CCDC102B: variants seen among roughly 807,000 people sequenced by gnomAD.
The protein encoded by CCDC102B is coiled-coil domain containing 102B.
In CCDC102B, 75 loss-of-function variants were observed where a neutral mutation model predicts 57.4. That is an observed-to-expected ratio of 1.31 (90% CI 1.08 to 1.58). The LOEUF (loss-of-function observed/expected upper bound fraction) is 1.58. CCDC102B is among the 40% of genes most tolerant of loss of function. The pLI is 0.00. For synonymous variants in CCDC102B, 206 were observed against 201.9 expected (o/e 1.02, Z -0.17); for missense variants, 636 against 582.6 (o/e 1.09, Z -0.94).
rs1396338242 is a variant in CCDC102B, at chr18:69,054,500, A to G, written c.*363A>G. 18 of 1,001,358 alleles carry G rather than the reference A, an allele frequency of 1.8e-5. No individual in the cohort carries two copies. The highest frequency in any genetic ancestry group is 2.0e-5 in the Non-Finnish European group (17 of 840,650). 62.0% of individuals were successfully genotyped at this position (1,001,358 alleles called of 1,614,324 possible). On this transcript the variant is annotated 3_prime_UTR_variant, in exon 8 of 8. Coordinates refer to ENST00000360242, the MANE Select transcript of CCDC102B (RefSeq NM_024781.3). Reference sequence around the variant, plus strand: ...ACGCTGGGTCATTAATAAGAAAACCATTGACTTTAAGTATAAAGTACTGGT... The same window carrying G: ...ACGCTGGGTCATTAATAAGAAAACCGTTGACTTTAAGTATAAAGTACTGGT...
At position 68,775,028 on chromosome 18, in the gene CCDC102B, GT is replaced by G. The variant is rs1229319223; in HGVS notation, c.-66-48328del. On this transcript the variant is annotated intron_variant, in intron 2 of 3. Transcript: ENST00000578970. The stretch of plus-strand genomic sequence containing the variant: ...TCATGTGTTGCCTTTCTTCTTTTCT[GT>G]TTTTTTTTTGTTTTGTCTTTTCACT... Among the ~76,000 whole-genome samples the G allele has an allele frequency of 3.5e-3, 511 of 144,210 alleles. 2 individuals carry two copies. Among genetic ancestry groups the G allele is most frequent in the Non-Finnish European group, 5.7e-3 (373 of 65,502 alleles). The allele number at this position is 144,210 out of a possible 152,430, so 94.6% of individuals were successfully genotyped here.
At chr18:68,879,338 C>T (rs932045309) in intron 5 of CCDC102B, among the ~76,000 whole-genome samples, 9 of 151,998 alleles carry the variant, frequency 5.9e-5, no homozygotes, top group Non-Finnish European at 1.2e-4. Context: ...TTGCAAAGAA[C>T]GAAAGAACAA....
chr18:68,885,321 G>A (rs2039844277), intron 5 of CCDC102B, among the ~76,000 whole-genome samples: 1 of 151,972 alleles, frequency 6.6e-6, no homozygotes, highest in African/African-American at 2.4e-5. Flanking sequence ...CCTTAAAAAA[G>A]AAGTTTAAAA....
intron 7 of CCDC102B, among the ~76,000 whole-genome samples, chr18:69,022,572 G>A (rs2145423687): frequency 6.6e-6 from 1 of 151,418 alleles, no homozygotes; most frequent in Admixed American, 6.6e-5. Context: ...TAGTGCTCTT[G>A]GTGACCAGAG....
chr18:68,768,511 G>A (rs1262865431), intron 2 of CCDC102B, among the ~76,000 whole-genome samples: 1 of 152,042 alleles, frequency 6.6e-6, no homozygotes, highest in Non-Finnish European at 1.5e-5. Flanking sequence ...TTGCATTACT[G>A]ATTACTTTCC....
At chr18:68,785,589 C>A (rs2144645397) in intron 2 of CCDC102B, among the ~76,000 whole-genome samples, 2 of 151,038 alleles carry the variant, frequency 1.3e-5, no homozygotes, top group Admixed American at 6.6e-5. Flanking sequence ...TGATGATGAG[C>A]ATTTTTTCAT....
At chr18:68,791,340 T>A (rs967772860) in intron 2 of CCDC102B, among the ~76,000 whole-genome samples, 5 of 152,202 alleles carry the variant, frequency 3.3e-5, no homozygotes, top group Non-Finnish European at 5.9e-5. Flanking sequence ...AAAGCACTTT[T>A]CATCAGTATA....
intron 1 of CCDC102B, among the ~76,000 whole-genome samples, chr18:68,827,111 C>T (rs1438591120): frequency 1.3e-5 from 2 of 151,698 alleles, no homozygotes; most frequent in Non-Finnish European, 2.9e-5. Context: ...AAAGTAAAGA[C>T]ACCAGATCAA....
chr18:68,953,445 A>G (rs187045377), intron 6 of CCDC102B, among the ~76,000 whole-genome samples: 1 of 147,216 alleles, frequency 6.8e-6, no homozygotes, highest in Non-Finnish European at 1.5e-5. Context: ...CCTGATGATT[A>G]GAGATGCTGA....
intron 7 of CCDC102B, among the ~76,000 whole-genome samples, chr18:69,049,001 T>G (rs946501805): frequency 2.6e-5 from 4 of 152,140 alleles, no homozygotes; most frequent in Non-Finnish European, 5.9e-5. Flanking sequence ...AATCTGAAAT[T>G]CCTGTATGTT....
intron 3 of CCDC102B, among the ~76,000 whole-genome samples, chr18:68,845,286 T>C (rs1344240398): frequency 6.6e-6 from 1 of 151,892 alleles, no homozygotes; most frequent in Middle Eastern, 3.2e-3. Flanking sequence ...TCTGTGAATA[T>C]GTTTCTAAGA....
chr18:68,746,507 G>C lies in CCDC102B; in HGVS notation c.-67+29913G>C, dbSNP rs1356351028. 4.6e-5 allele frequency among the ~76,000 whole-genome samples: 7 copies of C among 152,048 alleles called. No homozygotes were observed. In the East Asian group the frequency reaches 1.3e-3, roughly 29 times the overall value. On this transcript the variant is annotated intron_variant, in intron 2 of 3. Transcript: ENST00000578970. Reference sequence around the variant, plus strand: ...TGCACAAAAAATGACAAAGTCCCTAGTTATAGAATTCCTGAACAGCGAAAT... The same window carrying C: ...TGCACAAAAAATGACAAAGTCCCTACTTATAGAATTCCTGAACAGCGAAAT...
At chr18:68,846,478 A>G (rs2037866682) in intron 4 of CCDC102B, 57 bp downstream of exon 4, 1 of 1,144,398 alleles carries the variant, frequency 8.7e-7, no homozygotes, top group East Asian at 2.7e-5. Context: ...CTTTCTTTGG[A>G]TATGTAAGCA....
intron 1 of CCDC102B, among the ~76,000 whole-genome samples, chr18:68,807,416 C>A (rs1407377179): frequency 1.3e-5 from 2 of 151,650 alleles, no homozygotes; most frequent in Non-Finnish European, 2.9e-5. Flanking sequence ...TTAAGAAAAA[C>A]AAGGAAAAAA....
chr18:68,848,407 T>C (rs1012616094), intron 4 of CCDC102B, among the ~76,000 whole-genome samples: 5 of 151,984 alleles, frequency 3.3e-5, no homozygotes, highest in Admixed American at 6.6e-5. Context: ...TACATGCCTG[T>C]CTAAGAACTG....
At chr18:68,724,896 GTA>G (rs2032520822) in intron 2 of CCDC102B, among the ~76,000 whole-genome samples, 1 of 152,138 alleles carries the variant, frequency 6.6e-6, no homozygotes, top group African/African-American at 2.4e-5. Flanking sequence ...CCAGTTTACT[GTA>G]TTAGACTGTT....
intron 6 of CCDC102B, among the ~76,000 whole-genome samples, chr18:68,956,611 A>T (rs1279393437): frequency 1.3e-4 from 11 of 86,516 alleles, no homozygotes; most frequent in East Asian, 7.0e-4. Flanking sequence ...TATATATATA[A>T]AATATATAAT....
At chr18:68,733,377 A>G (rs2032970760) in intron 2 of CCDC102B, among the ~76,000 whole-genome samples, 1 of 151,654 alleles carries the variant, frequency 6.6e-6, no homozygotes, top group South Asian at 2.1e-4. Flanking sequence ...CTCTTTGCAA[A>G]TTACCTTGTG....
chr18:68,865,880 T>A (rs552028906), intron 4 of CCDC102B, among the ~76,000 whole-genome samples: 1 of 152,350 alleles, frequency 6.6e-6, no homozygotes, highest in South Asian at 2.1e-4. Flanking sequence ...GTTAAAAATG[T>A]GGCTTTGCCA....
Sources: allele counts gnomAD v4.1 joint callset (sites outside exome capture counted in the v4.1 genomes callset), GRCh38; gene constraint gnomAD v4.1.1; transcripts MANE v1.5; gene names NCBI Gene and HGNC (gene_info 2026-07-23, HGNC 2026-07-21).